ZNF484: variants seen among roughly 807,000 people sequenced by gnomAD.
ZNF484 encodes the protein KRAB box containing C2H2 type zinc finger bA526D8.4.
Under a neutral mutation model 12.9 loss-of-function variants are expected in ZNF484, and 11 were observed. The observed-to-expected ratio is 0.85, with a 90% CI of 0.54 to 1.41. The LOEUF is 1.41. Ranked by LOEUF, ZNF484 falls within the 40% of genes most tolerant of loss-of-function variation. The pLI, the probability that ZNF484 is intolerant of heterozygous loss-of-function variation, is 0.00. For missense variants in ZNF484, 807 were observed against 1,007.7 expected (o/e 0.80, Z 2.70); for synonymous variants, 289 against 334.1 (o/e 0.86, Z 1.47).
chr9:92,851,661 C>G (rs1333851643), intron 4 of ZNF484, among the ~76,000 whole-genome samples: 3 of 152,214 alleles, frequency 2.0e-5, no homozygotes, highest in African/African-American at 7.2e-5. Flanking sequence ...CGAAAAGGGA[C>G]TAACACACAT....
chr9:92,860,756 T>C (rs1417324104), intron 2 of ZNF484, among the ~76,000 whole-genome samples: 2 of 152,010 alleles, frequency 1.3e-5, no homozygotes, highest in African/African-American at 4.8e-5. Context: ...CCAACTGCAT[T>C]AGCTCAAAGA....
intron 1 of ZNF484, among the ~76,000 whole-genome samples, chr9:92,875,320 C>T (rs1857729936): frequency 6.6e-6 from 1 of 152,132 alleles, no homozygotes; most frequent in South Asian, 2.1e-4. Flanking sequence ...TATAAAATAT[C>T]CAAAGGATAT....
At position 92,848,539 on chromosome 9, in the gene ZNF484, C is replaced by T; in HGVS notation, c.248G>A (p.Gly83Asp). 2.5e-6 allele frequency: 4 copies of T among 1,576,692 alleles called. No individual in the cohort carries two copies. Among genetic ancestry groups the T allele is most frequent in the Non-Finnish European group, 3.4e-6 (4 of 1,169,202 alleles). ...CATCCTCTGTTGTAAAGGTCCAAAA[C>T]CAATGTCCCCATCTAAAAAAGAAAG... ...PSQSRPDGDIGFGPLQQRMSE... is the reference protein window; with the variant it reads ...PSQSRPDGDIDFGPLQQRMSE... The change falls in exon 5 of 5, where the codon GGT becomes GAT. Residue 83 changes from glycine to aspartate, a missense_variant. Transcript: ENST00000375495. This position sits in a 1 kb window ranked among gnomAD's most constrained non-coding sequence, Gnocchi z 4.1.
rs527314134 is a variant in ZNF484 at position 92,844,430 on chromosome 9, C to T, written c.*1798G>A. Among the ~76,000 whole-genome samples, 1 of 152,278 alleles carries T rather than the reference C, an allele frequency of 6.6e-6. No individual in the cohort carries two copies. The highest frequency in any genetic ancestry group is 1.9e-4 in the East Asian group (1 of 5,180). ...ACGTACACGCACACGTGCACACACA[C>T]ACCCCAAAACCACTAAACCACAGAT... is the stretch of plus-strand genomic sequence containing the variant. On this transcript the variant is annotated 3_prime_UTR_variant, in exon 5 of 5. Transcript: ENST00000375495.
rs1182218760 is a variant in ZNF484, at chr9:92,856,332, A to C, written c.16-14T>G. 6 of 1,538,398 alleles carry C rather than the reference A, an allele frequency of 3.9e-6. No individual in the cohort carries two copies. Among genetic ancestry groups the C allele is most frequent in the African/African-American group, 2.8e-5 (2 of 71,638 alleles). On this transcript the variant is annotated splice_polypyrimidine_tract_variant and intron_variant, in intron 2 of 4. Transcript: ENST00000375495. Reference sequence around the variant, plus strand: ...TGACACTGATTCCTGTTAAAAAAAAAAAACAAACTTTAAAATAATTTTTTA... The same window carrying C: ...TGACACTGATTCCTGTTAAAAAAAACAAACAAACTTTAAAATAATTTTTTA...
intron 2 of ZNF484, among the ~76,000 whole-genome samples, chr9:92,866,911 T>C (rs77960661): frequency 6.6e-6 from 1 of 152,196 alleles, no homozygotes; most frequent in African/African-American, 2.4e-5. Context: ...GAACACTGCA[T>C]GTTCTCACTC....
Position 92,861,090 on chromosome 9 carries a change from C to T in ZNF484, c.16-4772G>A, listed in dbSNP as rs561354911. Among the ~76,000 whole-genome samples, 3 of 152,272 alleles carry T rather than the reference C, an allele frequency of 2.0e-5. No homozygotes were observed. In the South Asian group the frequency reaches 6.2e-4, roughly 32 times the overall value. ...AAAAATGAGGGAGACCAAAATAGAA[C>T]TGCAAAGACTTTCAAAACTAAGTTG... On this transcript the variant is annotated intron_variant, in intron 2 of 4. Transcript: ENST00000375495.
In ZNF484 at chr9:92,848,495, G is replaced by A. The variant is rs768297726; in HGVS notation, c.292C>T (p.Gln98Ter). Reference sequence around the variant, plus strand: ...AAGAGATTAATATTAATCTCAGACTGGAAAGAAACTTCTTCAGACATCCTC... The same window carrying A: ...AAGAGATTAATATTAATCTCAGACTAGAAAGAAACTTCTTCAGACATCCTC... ...QQRMSEEVSF[Q>*]SEININLFTR... Residue 98 changes from glutamine (Q) to a stop codon, truncating the protein, a stop_gained, in exon 5 of 5, where the codon CAG (glutamine) becomes TAG (stop). Coordinates refer to ENST00000375495, the MANE Select transcript of ZNF484 (RefSeq NM_031486.4). LOFTEE classifies it low-confidence loss of function (END_TRUNC). This position sits in a 1 kb window ranked among gnomAD's most constrained non-coding sequence, Gnocchi z 4.1. 1 of 1,610,960 alleles carries A rather than the reference G, an allele frequency of 6.2e-7. No individual in the cohort carries two copies. Among genetic ancestry groups the A allele is most frequent in the Admixed American group, 1.7e-5 (1 of 59,422 alleles).
chr9:92,848,182 T>C lies in ZNF484; in HGVS notation c.605A>G (p.Asp202Gly). 1.2e-6 allele frequency: 2 copies of C among 1,614,096 alleles called. No homozygotes were observed. The highest frequency in any genetic ancestry group is 1.1e-5 in the South Asian group (1 of 91,052). Residue 202 changes from aspartate to glycine, a missense_variant, in exon 5 of 5, where the codon GAT becomes GGT. Coordinates refer to ENST00000375495, the MANE Select transcript of ZNF484 (RefSeq NM_031486.4). This position sits in a 1 kb window ranked among gnomAD's most constrained non-coding sequence, Gnocchi z 4.1. ...AATATCACCATCTCCAATAGTCTTATCAGAATTTTCTGTTGCATTGTTTCT... is the reference window on the plus strand; with the variant it reads ...AATATCACCATCTCCAATAGTCTTACCAGAATTTTCTGTTGCATTGTTTCT... Reference protein sequence around the residue: ...YNRNNATENSDKTIGDGDIFT... With the variant: ...YNRNNATENSGKTIGDGDIFT...
At chr9:92,873,766 G>C (rs1288034309) in intron 2 of ZNF484, among the ~76,000 whole-genome samples, 1 of 151,346 alleles carries the variant, frequency 6.6e-6, no homozygotes, top group Non-Finnish European at 1.5e-5. Context: ...CAATACAAAG[G>C]AACACATTCC....
At chr9:92,849,132 A>G (rs1052157330) in intron 4 of ZNF484, among the ~76,000 whole-genome samples, 16 of 151,680 alleles carry the variant, frequency 1.1e-4, no homozygotes, top group African/African-American at 3.9e-4. Context: ...ATGGTGGTGC[A>G]TGCCTGTAAT....
chr9:92,863,026 T>C (rs976344256), intron 2 of ZNF484, among the ~76,000 whole-genome samples: 1 of 152,086 alleles, frequency 6.6e-6, no homozygotes, highest in African/African-American at 2.4e-5. Context: ...CAAATGCCCA[T>C]CAGTGATAGA....
At chr9:92,852,978 G>A (rs1856201853) in intron 4 of ZNF484, among the ~76,000 whole-genome samples, 1 of 152,150 alleles carries the variant, frequency 6.6e-6, no homozygotes, top group Admixed American at 6.5e-5. Flanking sequence ...CAAATATGAG[G>A]CCATATTCTT....
chr9:92,876,326 A>C (rs983326220), intron 1 of ZNF484, among the ~76,000 whole-genome samples: 1 of 152,208 alleles, frequency 6.6e-6, no homozygotes, highest in Admixed American at 6.5e-5. Flanking sequence ...GCAGAAAATA[A>C]AAAGAGCTAA....
rs145211640 is a variant in ZNF484 at position 92,844,756 on chromosome 9, T to G, written c.*1472A>C. On this transcript the variant is annotated 3_prime_UTR_variant, in exon 5 of 5. Coordinates refer to ENST00000375495, the MANE Select transcript of ZNF484 (RefSeq NM_031486.4). ...ACACTGCCAACAAATGAAGAACAAT[T>G]TGTCACCACCAAACTCACAGTAAAA... Among the ~76,000 whole-genome samples the G allele has an allele frequency of 1.4e-4, 22 of 152,250 alleles. No individual in the cohort carries two copies. The East Asian group carries it at 4.1e-3, about 28-fold the overall frequency.
chr9:92,871,191 A>G (rs1236084249), intron 2 of ZNF484, among the ~76,000 whole-genome samples: 1 of 152,246 alleles, frequency 6.6e-6, no homozygotes, highest in Admixed American at 6.5e-5. Flanking sequence ...TAACAAGCAT[A>G]TGAACACACT....
intron 4 of ZNF484, among the ~76,000 whole-genome samples, chr9:92,853,400 C>G (rs908482811): frequency 1.3e-5 from 2 of 152,190 alleles, no homozygotes; most frequent in Non-Finnish European, 2.9e-5. Context: ...TCTTGTCTTC[C>G]TTCACACAAA....
intron 2 of ZNF484, among the ~76,000 whole-genome samples, chr9:92,861,618 A>G (rs1856783949): frequency 6.6e-6 from 1 of 152,216 alleles, no homozygotes; most frequent in Non-Finnish European, 1.5e-5. Context: ...AGTCTGAACA[A>G]TAGAAAAAAT....
chr9:92,869,094 T>C (rs994603371), intron 2 of ZNF484, among the ~76,000 whole-genome samples: 1 of 151,864 alleles, frequency 6.6e-6, no homozygotes, highest in Non-Finnish European at 1.5e-5. Flanking sequence ...CTCGTAGGGG[T>C]TGTGACTGAA....
Sources: gnomAD v4.1 joint callset for allele counts (sites outside exome capture counted in the v4.1 genomes callset) on GRCh38, gnomAD v4.1.1 for gene constraint, Gnocchi (gnomAD v3.1) non-coding constraint, MANE v1.5 for transcripts, NCBI Gene and HGNC (gene_info 2026-07-23, HGNC 2026-07-21) for gene names.